ELOVL5: variants seen among roughly 807,000 people sequenced by gnomAD.
The protein encoded by ELOVL5 is very long chain fatty acid elongase 5.
In ELOVL5, 8 loss-of-function variants were observed where a neutral mutation model predicts 38.6. That is an observed-to-expected ratio of 0.21 (90% CI 0.12 to 0.37). The LOEUF is 0.37. ELOVL5 is among the 10% of genes least tolerant of loss of function. The pLI is 1.00. For synonymous variants in ELOVL5, 127 were observed against 133.7 expected (o/e 0.95, Z 0.34); for missense variants, 280 against 367.8 (o/e 0.76, Z 1.95).
intron 1 of ELOVL5, among the ~76,000 whole-genome samples, chr6:53,339,620 T>G (rs1342635756): frequency 6.6e-6 from 1 of 152,228 alleles, no homozygotes; most frequent in African/African-American, 2.4e-5. Context: ...TATTGCCTAG[T>G]GACATCATAG....
intron 1 of ELOVL5, among the ~76,000 whole-genome samples, chr6:53,345,008 C>A (rs1769478849): frequency 6.6e-6 from 1 of 152,210 alleles, no homozygotes; most frequent in Non-Finnish European, 1.5e-5. Context: ...GCAGGCCCTT[C>A]TTAAAGGTGA....
chr6:53,279,089 C>A (rs1208799913), intron 3 of ELOVL5, among the ~76,000 whole-genome samples: 1 of 152,174 alleles, frequency 6.6e-6, no homozygotes, highest in Non-Finnish European at 1.5e-5. Flanking sequence ...AGCTTTTTCA[C>A]GTTTTGCTAG....
chr6:53,273,428 T>G lies in ELOVL5; in HGVS notation c.497-84A>C, dbSNP rs1164632216. On this transcript the variant is annotated intron_variant, in intron 5 of 7. Transcript: ENST00000304434. Reference sequence around the variant, plus strand: ...GGTAAAAAAAAAAAAAATACAAGATTCTTTTTGAATCAGAAAGAGAGATGA... The same window carrying G: ...GGTAAAAAAAAAAAAAATACAAGATGCTTTTTGAATCAGAAAGAGAGATGA... 13 of 1,262,076 alleles carry G rather than the reference T, an allele frequency of 1.0e-5. No individual in the cohort carries two copies. In the Admixed American group the frequency reaches 2.3e-4, roughly 22 times the overall value. The allele number at this position is 1,262,076 out of a possible 1,614,324, so 78.2% of individuals were successfully genotyped here. A position where few individuals can be genotyped will look rare whatever the true frequency, so the allele number is the denominator to read the frequency against.
chr6:53,283,698 A>C (rs1268828139), intron 3 of ELOVL5, among the ~76,000 whole-genome samples: 1 of 152,190 alleles, frequency 6.6e-6, no homozygotes, highest in Non-Finnish European at 1.5e-5. Context: ...AAGAATGCAA[A>C]ATTTTCAAAG....
chr6:53,284,726 C>T (rs950828357), intron 3 of ELOVL5, among the ~76,000 whole-genome samples: 1 of 152,174 alleles, frequency 6.6e-6, no homozygotes, highest in Non-Finnish European at 1.5e-5. Context: ...AGCACGTGTT[C>T]ACTATGTGTT....
chr6:53,271,438 T>C (rs1254244774), intron 6 of ELOVL5, among the ~76,000 whole-genome samples: 5 of 152,148 alleles, frequency 3.3e-5, no homozygotes, highest in Admixed American at 2.6e-4. Flanking sequence ...TAGTCCCAGC[T>C]ACTTGGGAGG....
intron 1 of ELOVL5, among the ~76,000 whole-genome samples, chr6:53,300,749 C>T (rs939329135): frequency 6.6e-6 from 1 of 152,120 alleles, no homozygotes; most frequent in African/African-American, 2.4e-5. Flanking sequence ...GTCTGGTGCC[C>T]AGGCCTTGCT....
chr6:53,274,354 A>C (rs757495664), intron 5 of ELOVL5, among the ~76,000 whole-genome samples: 12 of 151,796 alleles, frequency 7.9e-5, no homozygotes, highest in Non-Finnish European at 1.3e-4. Context: ...CTGGAATTCC[A>C]TGACACTGTG....
intron 1 of ELOVL5, among the ~76,000 whole-genome samples, chr6:53,345,833 G>A (rs1769516981): frequency 6.6e-6 from 1 of 152,174 alleles, no homozygotes; most frequent in African/African-American, 2.4e-5. Context: ...TGTTGCAGGA[G>A]ACAGAGCTAT....
chr6:53,303,714 T>C (rs1767361383), intron 1 of ELOVL5, among the ~76,000 whole-genome samples: 1 of 152,196 alleles, frequency 6.6e-6, no homozygotes, highest in Non-Finnish European at 1.5e-5. Flanking sequence ...AACAATCAAA[T>C]TGTTGTACAA....
chr6:53,297,816 A>C (rs1767073452), intron 1 of ELOVL5, among the ~76,000 whole-genome samples: 1 of 152,118 alleles, frequency 6.6e-6, no homozygotes, highest in Non-Finnish European at 1.5e-5. Flanking sequence ...TTCCTAAGAA[A>C]GGCAATTTTG....
intron 3 of ELOVL5, among the ~76,000 whole-genome samples, chr6:53,277,970 C>T (rs147357987): frequency 3.9e-4 from 60 of 152,146 alleles, no homozygotes; most frequent in African/African-American, 1.3e-3. Flanking sequence ...GTGGGACAAC[C>T]GCGAATAAGA....
chr6:53,318,440 C>G (rs1768146009), intron 1 of ELOVL5, among the ~76,000 whole-genome samples: 1 of 152,182 alleles, frequency 6.6e-6, no homozygotes, highest in Non-Finnish European at 1.5e-5. Context: ...TGGAGCTTTG[C>G]TATTAGCATA....
rs140060041 is a variant in ELOVL5 at position 53,332,306 on chromosome 6, T to C, written c.-9+16511A>G. On this transcript the variant is annotated intron_variant, in intron 1 of 7. Coordinates refer to ENST00000304434, the MANE Select transcript of ELOVL5 (RefSeq NM_021814.5). ...CCCAATCAGCCAAACAGGAGTGAGG[T>C]GATTTTCACATTATTGGTAGGCATA... is the stretch of plus-strand genomic sequence containing the variant. Among the ~76,000 whole-genome samples, 585 of 152,300 alleles carry C rather than the reference T, an allele frequency of 3.8e-3. 2 individuals are homozygous for C. The highest frequency in any genetic ancestry group is 0.012 in the African/African-American group (517 of 41,556).
At chr6:53,286,687 T>G (rs1272857757) in intron 3 of ELOVL5, among the ~76,000 whole-genome samples, 1 of 152,206 alleles carries the variant, frequency 6.6e-6, no homozygotes, top group Non-Finnish European at 1.5e-5. Flanking sequence ...AATTTCTAAT[T>G]AACTATAATT....
chr6:53,338,234 G>A (rs985564363), intron 1 of ELOVL5, among the ~76,000 whole-genome samples: 5 of 152,088 alleles, frequency 3.3e-5, no homozygotes, highest in African/African-American at 1.2e-4. Context: ...TAAAAAGATG[G>A]TAAGTTCAAG....
chr6:53,335,657 G>A lies in ELOVL5; in HGVS notation c.-9+13160C>T, dbSNP rs571136120. On this transcript the variant is annotated intron_variant, in intron 1 of 7. Transcript: ENST00000304434. ...CAAGTGAGTGGGGACTGCTGGTCTC[G>A]TCTACCACCCATGGCACAGACAGCC... Among the ~76,000 whole-genome samples, 18 of 152,172 alleles carry A rather than the reference G, an allele frequency of 1.2e-4. No homozygotes were observed. In the South Asian group the frequency reaches 3.1e-3, roughly 26 times the overall value.
At chr6:53,324,252 C>CAAAAAAAAAAAAAAA (rs59453946) in intron 1 of ELOVL5, among the ~76,000 whole-genome samples, 4 of 110,370 alleles carry the variant, frequency 3.6e-5, no homozygotes, top group Non-Finnish European at 5.5e-5. Flanking sequence ...GACTCTACCT[C>CAAAAAAAAAAAAAAA]AAAAAAAAAA....
At chr6:53,329,180 TA>T (rs1768677862) in intron 1 of ELOVL5, among the ~76,000 whole-genome samples, 4 of 136,868 alleles carry the variant, frequency 2.9e-5, no homozygotes, top group Non-Finnish European at 6.2e-5. Context: ...AAAGTATAAC[TA>T]ACTACTACTA....
Sources: gnomAD v4.1 joint callset for allele counts (sites outside exome capture counted in the v4.1 genomes callset) on GRCh38, gnomAD v4.1.1 for gene constraint, MANE v1.5 for transcripts, NCBI Gene and HGNC (gene_info 2026-07-23, HGNC 2026-07-21) for gene names.